The following NPAS3 variants were observed in gnomAD, a reference collection of about 807,000 sequenced individuals.
NPAS3 encodes neuronal PAS domain-containing protein 3.
NPAS3 carries 14 observed loss-of-function variants against 73.1 expected under a neutral mutation model. The observed-to-expected ratio is 0.19, with a 90% CI of 0.13 to 0.30. The LOEUF (loss-of-function observed/expected upper bound fraction) is 0.30. Ranked by LOEUF, NPAS3 falls within the 10% of genes least tolerant of loss-of-function variation. NPAS3 has a pLI of 1.00. For synonymous variants in NPAS3, 620 were observed against 541.5 expected (o/e 1.14, Z -2.01); for missense variants, 1,096 against 1,250.0 (o/e 0.88, Z 1.86).
chr14:33,625,496 A>C (rs1056404945), intron 5 of NPAS3, among the ~76,000 whole-genome samples: 4 of 152,348 alleles, frequency 2.6e-5, no homozygotes, highest in African/African-American at 9.6e-5. Context: ...AGGTACTTTA[A>C]TGAAATTCTC....
chr14:33,059,196 T>C (rs77488001), intron 2 of NPAS3, among the ~76,000 whole-genome samples: 329 of 152,368 alleles, frequency 2.2e-3, no homozygotes, highest in African/African-American at 7.6e-3. Context: ...GTTCCAACTA[T>C]AATTCTATGG....
intron 1 of NPAS3, among the ~76,000 whole-genome samples, chr14:33,055,555 A>G (rs1245250383): frequency 6.6e-6 from 1 of 152,274 alleles, no homozygotes; most frequent in Non-Finnish European, 1.5e-5. Context: ...CAAAAACACT[A>G]ATGACATTTG....
At position 33,679,519 on chromosome 14, in the gene NPAS3, C is replaced by A. The variant is rs140882291; in HGVS notation, c.733+3134C>A. 6.7e-3 allele frequency among the ~76,000 whole-genome samples: 1,021 copies of A among 152,282 alleles called. 11 individuals carry two copies. Among genetic ancestry groups the A allele is most frequent in the African/African-American group, 0.023 (976 of 41,568 alleles). ...CATTTTTGAAGACTGTTGTTCATTG[C>A]ATCATAATCTCTTGAACTCTGATAA... On this transcript the variant is annotated intron_variant, in intron 6 of 11. Coordinates refer to ENST00000356141, the Ensembl canonical transcript of NPAS3.
rs1438678722 is a variant in NPAS3, at chr14:33,198,048, G to A, written c.141-17134G>A. 2.0e-5 allele frequency among the ~76,000 whole-genome samples: 3 copies of A among 150,076 alleles called. No homozygotes were observed. The East Asian group carries it at 5.9e-4, about 30-fold the overall frequency. ...TGAGTATTACAGCTCTTAAGGCAGT[G>A]CGTCTAGAGTTGTTTGTTCCTCCCG... On this transcript the variant is annotated intron_variant, in intron 2 of 11. Coordinates refer to ENST00000356141, the Ensembl canonical transcript of NPAS3.
At chr14:33,146,837 G>A (rs775276574) in intron 2 of NPAS3, among the ~76,000 whole-genome samples, 2 of 152,152 alleles carry the variant, frequency 1.3e-5, no homozygotes, top group Non-Finnish European at 2.9e-5. Flanking sequence ...GCCATGACTC[G>A]ATCAGGGAAG....
At chr14:33,630,742 G>C (rs1011484929) in intron 5 of NPAS3, among the ~76,000 whole-genome samples, 5 of 152,182 alleles carry the variant, frequency 3.3e-5, no homozygotes, top group Non-Finnish European at 7.3e-5. Context: ...CCCCAGGATG[G>C]AGAAGGGAGG....
intron 7 of NPAS3, among the ~76,000 whole-genome samples, chr14:33,743,042 C>T (rs1240035502): frequency 6.7e-6 from 1 of 149,432 alleles, no homozygotes; most frequent in Non-Finnish European, 1.5e-5. Context: ...GTCTTGAGCA[C>T]CTCAAAGTCA....
intron 1 of NPAS3, among the ~76,000 whole-genome samples, chr14:33,014,549 A>G (rs1009439674): frequency 1.3e-5 from 2 of 152,210 alleles, no homozygotes; most frequent in Non-Finnish European, 2.9e-5. Context: ...GATGTATGAC[A>G]TATCTTAAAT....
intron 11 of NPAS3, among the ~76,000 whole-genome samples, 162 bp downstream of exon 11, chr14:33,797,743 C>T (rs2063554677): frequency 6.6e-6 from 1 of 152,012 alleles, no homozygotes; most frequent in Non-Finnish European, 1.5e-5. Context: ...TCTCTCCAGA[C>T]ACACATATAT....
At chr14:33,487,229 T>C (rs750271908) in intron 4 of NPAS3, among the ~76,000 whole-genome samples, 15 of 152,242 alleles carry the variant, frequency 9.9e-5, no homozygotes, top group Non-Finnish European at 2.1e-4. Flanking sequence ...TATTTTGTAA[T>C]GTAATTGCCC....
intron 3 of NPAS3, among the ~76,000 whole-genome samples, chr14:33,309,587 A>G (rs563200607): frequency 6.6e-6 from 1 of 152,154 alleles, no homozygotes; most frequent in Non-Finnish European, 1.5e-5. Flanking sequence ...TTTGTAAAGC[A>G]ACCTGAAATT....
intron 5 of NPAS3, among the ~76,000 whole-genome samples, chr14:33,622,233 G>A (rs1490803784): frequency 6.6e-6 from 1 of 151,988 alleles, no homozygotes; most frequent in African/African-American, 2.4e-5. Flanking sequence ...AGTCTACTGG[G>A]TCCAAGATTG....
At chr14:33,076,657 C>T (rs768568638) in intron 2 of NPAS3, among the ~76,000 whole-genome samples, 6 of 152,120 alleles carry the variant, frequency 3.9e-5, no homozygotes, top group Non-Finnish European at 7.4e-5. Context: ...ACATGACTTG[C>T]CTCCAACAGT....
intron 1 of NPAS3, among the ~76,000 whole-genome samples, chr14:32,954,034 A>G (rs1404571144): frequency 6.6e-6 from 1 of 152,194 alleles, no homozygotes; most frequent in Non-Finnish European, 1.5e-5. Flanking sequence ...GGGGATTATT[A>G]TAGAAGGATG....
intron 1 of NPAS3, among the ~76,000 whole-genome samples, chr14:33,016,571 C>A (rs1405815054): frequency 1.4e-5 from 2 of 141,874 alleles, no homozygotes; most frequent in African/African-American, 2.6e-5. Context: ...AAATATAGAA[C>A]CATGAAAAAA....
intron 3 of NPAS3, among the ~76,000 whole-genome samples, chr14:33,276,793 T>C (rs2041356775): frequency 6.6e-6 from 1 of 152,108 alleles, no homozygotes; most frequent in Admixed American, 6.6e-5. Context: ...AGATAAATGA[T>C]ACTATGACAG....
intron 4 of NPAS3, among the ~76,000 whole-genome samples, chr14:33,543,948 T>A (rs1212309636): frequency 9.6e-4 from 1 of 1,038 alleles, no homozygotes; most frequent in Non-Finnish European, 2.7e-3. Flanking sequence ...GCAAAGTGCA[T>A]ATATATATAT....
chr14:33,800,478 C>A lies in NPAS3; in HGVS notation c.2171C>A (p.Ala724Glu), dbSNP rs1455593550. The change falls in exon 12 of 12, where the codon GCG (alanine) becomes GAG (glutamate). Residue 724 changes from alanine (A) to glutamate (E), a missense_variant. This residue lies in a region of NPAS3 where 698 missense variants were observed against 676.7 expected (regional missense o/e 1.03). Transcript: ENST00000356141. The surrounding 1 kb of genome is among the most constrained non-coding windows in gnomAD (Gnocchi z 6.5). ...CTCACCCCGCCCGGCGCCGACGGCG[C>A]GGCCGCCCGCAAGACTCAGTTCGGC... 1 of 1,483,042 alleles carries A rather than the reference C, an allele frequency of 6.7e-7. No homozygotes were observed. Among genetic ancestry groups the A allele is most frequent in the South Asian group, 1.3e-5 (1 of 75,906 alleles). 91.9% of individuals were successfully genotyped at this position (1,483,042 alleles called of 1,614,324 possible).
intron 5 of NPAS3, among the ~76,000 whole-genome samples, chr14:33,664,821 A>G (rs931288614): frequency 6.6e-6 from 1 of 152,256 alleles, no homozygotes; most frequent in African/African-American, 2.4e-5. Flanking sequence ...ACCATCTCAC[A>G]CCAGTTAGAA....
Sources: gnomAD v4.1 joint callset for allele counts (sites outside exome capture counted in the v4.1 genomes callset) on GRCh38, gnomAD v4.1.1 for gene constraint, gnomAD v4.1.1 regional missense constraint, Gnocchi (gnomAD v3.1) non-coding constraint, MANE v1.5 for transcripts, NCBI Gene and HGNC (gene_info 2026-07-23, HGNC 2026-07-21) for gene names.